B3GLCT: variants seen among roughly 807,000 people sequenced by gnomAD.
B3GLCT encodes the protein beta-1,3-glucosyltransferase.
In B3GLCT, 65 loss-of-function variants were observed where a neutral mutation model predicts 63.4. That is an observed-to-expected ratio of 1.03 (90% CI 0.84 to 1.26). The LOEUF (loss-of-function observed/expected upper bound fraction) is 1.26. Ranked by LOEUF, B3GLCT falls within the 50% of genes most tolerant of loss-of-function variation. The pLI is 0.00. For synonymous variants in B3GLCT, 233 were observed against 219.2 expected (o/e 1.06, Z -0.55); for missense variants, 577 against 604.8 (o/e 0.95, Z 0.48).
chr13:31,215,124 T>C (rs1179481350), intron 2 of B3GLCT, 24 bp downstream of exon 2: 1 of 1,598,946 alleles, frequency 6.3e-7, no homozygotes, highest in Admixed American at 1.7e-5. Context: ...TGATCAAATC[T>C]TTTCCTCCCT....
At chr13:31,308,343 AAATT>A (rs1874496649) in intron 12 of B3GLCT, among the ~76,000 whole-genome samples, 3 of 19,086 alleles carry the variant, frequency 1.6e-4, no homozygotes, top group Non-Finnish European at 5.3e-4. Flanking sequence ...AAAAAAAAAA[AAATT>A]AAAAAAAAAA....
intron 1 of B3GLCT, among the ~76,000 whole-genome samples, chr13:31,207,075 A>G (rs1227568712): frequency 6.6e-6 from 1 of 152,176 alleles, no homozygotes; most frequent in Non-Finnish European, 1.5e-5. Flanking sequence ...CCATGGATTG[A>G]GTGGTACTGA....
chr13:31,233,817 G>C (rs1046214282), intron 4 of B3GLCT, among the ~76,000 whole-genome samples: 2 of 152,062 alleles, frequency 1.3e-5, no homozygotes, highest in South Asian at 4.1e-4. Flanking sequence ...CCAAAGTCAG[G>C]ATTTTGTTTT....
chr13:31,265,811 G>A (rs1872269957), intron 7 of B3GLCT, among the ~76,000 whole-genome samples: 1 of 152,128 alleles, frequency 6.6e-6, no homozygotes, highest in South Asian at 2.1e-4. Context: ...TGATTCACAA[G>A]TGGGACTGAA....
At position 31,260,948 on chromosome 13, in the gene B3GLCT, A is replaced by C; in HGVS notation, c.462A>C (p.Glu154Asp). ...CATGTTATATCTTTATTTAACAGGA[A>C]TGGTTTTTGGGAAAAGCATTACATG... is the stretch of plus-strand genomic sequence containing the variant. ...ETLRRYDPSK[E>D]WFLGKALHDE... The change falls in exon 7 of 15, where the codon GAA becomes GAC. Residue 154 changes from glutamate (E) to aspartate (D), a missense_variant and splice_region_variant. Glu to Asp is a conservative substitution (Grantham distance 45). Coordinates refer to ENST00000343307, the MANE Select transcript of B3GLCT (RefSeq NM_194318.4). 6.2e-7 allele frequency: 1 copy of C among 1,613,532 alleles called. No homozygotes were observed. Among genetic ancestry groups the C allele is most frequent in the Non-Finnish European group, 8.5e-7 (1 of 1,179,436 alleles).
intron 7 of B3GLCT, among the ~76,000 whole-genome samples, chr13:31,263,000 G>C (rs924009870): frequency 6.6e-6 from 1 of 152,178 alleles, no homozygotes; most frequent in African/African-American, 2.4e-5. Flanking sequence ...CACAGCTCTT[G>C]CCTGCCCTGT....
chr13:31,255,144 G>A (rs929699268), intron 6 of B3GLCT, among the ~76,000 whole-genome samples: 7 of 151,880 alleles, frequency 4.6e-5, no homozygotes, highest in South Asian at 2.1e-4. Flanking sequence ...AATCACAAGC[G>A]TTCCTATACA....
chr13:31,208,805 A>G (rs557011204), intron 1 of B3GLCT, among the ~76,000 whole-genome samples: 147 of 152,124 alleles, frequency 9.7e-4, no homozygotes, highest in African/African-American at 3.2e-3. Context: ...AACCTCAAAC[A>G]GCTGTTCCTG....
chr13:31,323,988 G>T (rs1389341278), intron 14 of B3GLCT, 93 bp downstream of exon 14: 3 of 1,474,742 alleles, frequency 2.0e-6, no homozygotes, highest in Non-Finnish European at 2.8e-6. Flanking sequence ...ACATATTCGG[G>T]AAACAGACTA....
intron 3 of B3GLCT, among the ~76,000 whole-genome samples, chr13:31,228,315 G>A (rs184245961): frequency 1.6e-4 from 24 of 152,344 alleles, no homozygotes; most frequent in African/African-American, 5.8e-4. Flanking sequence ...TGAACTCATG[G>A]GAGATGGGCA....
intron 1 of B3GLCT, among the ~76,000 whole-genome samples, chr13:31,204,452 G>A (rs150287920): frequency 1.1e-4 from 17 of 152,272 alleles, no homozygotes; most frequent in African/African-American, 3.4e-4. Flanking sequence ...AGGATGTGAC[G>A]TTAGAGCTCA....
chr13:31,259,685 C>T (rs1453428448), intron 6 of B3GLCT, among the ~76,000 whole-genome samples: 1 of 151,888 alleles, frequency 6.6e-6, no homozygotes, highest in African/African-American at 2.4e-5. Flanking sequence ...GCAAGAGCCC[C>T]CAGCTGCTGC....
At chr13:31,243,483 G>A (rs1165747808) in intron 4 of B3GLCT, among the ~76,000 whole-genome samples, 2 of 152,082 alleles carry the variant, frequency 1.3e-5, no homozygotes, top group African/African-American at 4.8e-5. Context: ...ATGTTCAAAT[G>A]TTAGCTTTTT....
At chr13:31,201,551 G>T (rs896724431) in intron 1 of B3GLCT, among the ~76,000 whole-genome samples, 1 of 152,216 alleles carries the variant, frequency 6.6e-6, no homozygotes, top group Non-Finnish European at 1.5e-5. Flanking sequence ...TTGGGAAAGC[G>T]ACTGGGTGAC....
intron 7 of B3GLCT, among the ~76,000 whole-genome samples, chr13:31,265,679 A>T (rs745637274): frequency 6.6e-6 from 1 of 152,242 alleles, no homozygotes; most frequent in Non-Finnish European, 1.5e-5. Context: ...AATTTTCATT[A>T]ACTACCAATA....
intron 7 of B3GLCT, among the ~76,000 whole-genome samples, chr13:31,265,929 C>A (rs1277519930): frequency 3.3e-5 from 5 of 151,996 alleles, no homozygotes; most frequent in Admixed American, 6.5e-5. Context: ...GTTGAAAGGA[C>A]CCTCAGTCAT....
At chr13:31,298,321 A>T (rs939573342) in intron 12 of B3GLCT, among the ~76,000 whole-genome samples, 1 of 152,192 alleles carries the variant, frequency 6.6e-6, no homozygotes, top group Admixed American at 6.5e-5. Context: ...TACAACTCAA[A>T]AGATATTGCC....
At chr13:31,214,387 T>A (rs561316277) in intron 1 of B3GLCT, among the ~76,000 whole-genome samples, 210 of 152,368 alleles carry the variant, frequency 1.4e-3, no homozygotes, top group African/African-American at 4.9e-3. Flanking sequence ...TTATTATTTT[T>A]AATGCAGAGC....
At chr13:31,220,544 T>C (rs1869763154) in intron 2 of B3GLCT, among the ~76,000 whole-genome samples, 1 of 152,256 alleles carries the variant, frequency 6.6e-6, no homozygotes, top group South Asian at 2.1e-4. Context: ...GAACTAAGTC[T>C]TTTCACAAGG....
Sources: gnomAD v4.1 joint callset for allele counts (sites outside exome capture counted in the v4.1 genomes callset) on GRCh38, gnomAD v4.1.1 for gene constraint, MANE v1.5 for transcripts, NCBI Gene and HGNC (gene_info 2026-07-23, HGNC 2026-07-21) for gene names.